The following ZNF717 variants were observed in gnomAD, a reference collection of about 807,000 sequenced individuals.
ZNF717 encodes the protein zinc finger protein 717.
A neutral mutation model predicts 13.8 loss-of-function variants in ZNF717; 9 were observed. The ratio of observed to expected loss-of-function variants is 0.65; its 90% CI spans 0.39 to 1.14. The LOEUF (loss-of-function observed/expected upper bound fraction) is 1.14. Ranked by LOEUF, ZNF717 falls within the 50% of genes most tolerant of loss-of-function variation. ZNF717 has a pLI of 0.01. For missense variants in ZNF717, 1,040 were observed against 1,080.7 expected (o/e 0.96, Z 0.53); for synonymous variants, 327 against 364.1 (o/e 0.90, Z 1.16).
chr3:75,723,050 T>C (rs1180856417), intron 4 of ZNF717, among the ~76,000 whole-genome samples: 1 of 152,150 alleles, frequency 6.6e-6, no homozygotes, highest in Non-Finnish European at 1.5e-5. Context: ...ATAATGCAGA[T>C]GTTCCAAATA....
chr3:75,782,739 C>T (rs1357784376), intron 2 of ZNF717, among the ~76,000 whole-genome samples: 2 of 152,128 alleles, frequency 1.3e-5, no homozygotes, highest in Non-Finnish European at 2.9e-5. Context: ...TTCCACTGCA[C>T]AACATGCCGT....
downstream of ZNF717, among the ~76,000 whole-genome samples, chr3:75,735,627 T>G (rs1939079645): frequency 1.3e-5 from 1 of 74,412 alleles, no homozygotes; most frequent in Non-Finnish European, 2.5e-5. Flanking sequence ...CCTGGGTGAC[T>G]GTCTCAATAA....
At chr3:75,770,649 C>T (rs546378908) in intron 2 of ZNF717, among the ~76,000 whole-genome samples, 1 of 152,274 alleles carries the variant, frequency 6.6e-6, no homozygotes, top group South Asian at 2.1e-4. Flanking sequence ...GCAAGAAAAG[C>T]CCAGAAGAAA....
At position 75,703,809 on chromosome 3, in the gene ZNF717, A is replaced by G. The variant is rs80195257; in HGVS notation, n.1085+7378T>C. 3.3e-5 allele frequency among the ~76,000 whole-genome samples: 5 copies of G among 152,418 alleles called. No individual in the cohort carries two copies. In the East Asian group the frequency reaches 9.6e-4, roughly 29 times the overall value. On this transcript the variant is annotated intron_variant and non_coding_transcript_variant, in intron 6 of 6. Transcript: ENST00000648506. ...AGGGACTCATGGCTACCAACCTTCT[A>G]GTTTAACAAACATGACCAGAATACT...
Position 75,774,414 on chromosome 3 carries a change from T to C in ZNF717, c.57+8892A>G, listed in dbSNP as rs1004224276. On this transcript the variant is annotated intron_variant, in intron 2 of 4. Coordinates refer to ENST00000652011, the MANE Select transcript of ZNF717 (RefSeq NM_001290208.3). Reference sequence around the variant, plus strand: ...TCAAATTTCAACTTCAAAACTGTCTTCTCTGACCTCTAACTTTGGGATGCT... The same window carrying C: ...TCAAATTTCAACTTCAAAACTGTCTCCTCTGACCTCTAACTTTGGGATGCT... 1.6e-4 allele frequency among the ~76,000 whole-genome samples: 24 copies of C among 152,048 alleles called. 1 individual carries two copies. The highest frequency in any genetic ancestry group is 4.1e-4 in the South Asian group (2 of 4,828).
intron 2 of ZNF717, among the ~76,000 whole-genome samples, chr3:75,772,557 G>A (rs1163621076): frequency 6.6e-6 from 1 of 152,252 alleles, no homozygotes; most frequent in Non-Finnish European, 1.5e-5. Context: ...TCTGCAGTCA[G>A]CCTGGTCCAG....
At chr3:75,758,750 A>G (rs1350203126) in intron 2 of ZNF717, among the ~76,000 whole-genome samples, 1 of 151,926 alleles carries the variant, frequency 6.6e-6, no homozygotes, top group Non-Finnish European at 1.5e-5. Context: ...GCAGTGGTTC[A>G]CCCCTGTCAT....
In ZNF717 at chr3:75,715,248, T is replaced by C. The variant is rs77712353; in HGVS notation, n.667+1171A>G. 2.9e-3 allele frequency among the ~76,000 whole-genome samples: 442 copies of C among 152,314 alleles called. 15 individuals carry two copies. In the East Asian group the frequency reaches 0.072, roughly 25 times the overall value. ...ATTTAAGCTGGGACTCAATAAATTG[T>C]ATAAGAAAAATAAAATCTCCATGTA... On this transcript the variant is annotated intron_variant and non_coding_transcript_variant, in intron 5 of 5. Coordinates refer to the ZNF717 transcript ENST00000491507.
In ZNF717 at chr3:75,738,748, G is replaced by C. The variant is rs1361483502; in HGVS notation, c.875C>G (p.Ser292Cys). 3 of 1,552,332 alleles carry C rather than the reference G, an allele frequency of 1.9e-6. No individual in the cohort carries two copies. In the African/African-American group the frequency reaches 4.1e-5, roughly 21 times the overall value. ...PYECVECEKP[S>C]ISKSDLMLQC... Reference sequence around the variant, plus strand: ...TAGCATAAGGTCTGATTTGCTAATGGAGGGTTTCTCACATTCAACACATTC... The same window carrying C: ...TAGCATAAGGTCTGATTTGCTAATGCAGGGTTTCTCACATTCAACACATTC... Residue 292 changes from serine to cysteine, a missense_variant, in exon 5 of 5, where the codon TCC becomes TGC. Around this residue, in one of 3 missense-constraint regions of ZNF717, gnomAD observed 873 missense variants for 832.8 expected, o/e 1.05. Coordinates refer to ENST00000652011, the MANE Select transcript of ZNF717 (RefSeq NM_001290208.3).
intron 6 of ZNF717, among the ~76,000 whole-genome samples, chr3:75,701,812 A>G (rs1937703124): frequency 6.6e-6 from 1 of 152,304 alleles, no homozygotes; most frequent in African/African-American, 2.4e-5. Flanking sequence ...CTAATTAAAG[A>G]GTGGACAAAA....
intron 6 of ZNF717, among the ~76,000 whole-genome samples, chr3:75,697,885 C>A (rs1320286846): frequency 7.2e-5 from 11 of 152,298 alleles, no homozygotes; most frequent in African/African-American, 2.7e-4. Context: ...TGGCTGTGAC[C>A]AAAATGCTGA....
intron 2 of ZNF717, among the ~76,000 whole-genome samples, chr3:75,778,233 G>A (rs1292056805): frequency 6.6e-6 from 1 of 151,758 alleles, no homozygotes; most frequent in African/African-American, 2.4e-5. Flanking sequence ...CCAAAACAAT[G>A]GAGCTGACGT....
intron 4 of ZNF717, among the ~76,000 whole-genome samples, chr3:75,723,313 A>G (rs1295087256): frequency 1.2e-4 from 15 of 128,936 alleles, no homozygotes; most frequent in Non-Finnish European, 2.0e-4. Context: ...GCAGTGGTGC[A>G]ATCATAGCTC....
At chr3:75,770,206 G>A (rs976989221) in intron 2 of ZNF717, among the ~76,000 whole-genome samples, 1 of 152,206 alleles carries the variant, frequency 6.6e-6, no homozygotes, top group Non-Finnish European at 1.5e-5. Context: ...CAAAGCTTCT[G>A]TGCTTGTTAG....
intron 2 of ZNF717, among the ~76,000 whole-genome samples, chr3:75,742,988 C>T (rs1322801647): frequency 3.9e-5 from 6 of 152,174 alleles, no homozygotes; most frequent in East Asian, 1.9e-4. Context: ...GAAACATACA[C>T]AGAAACCTGA....
chr3:75,741,570 C>T (rs1446053655), intron 3 of ZNF717, 40 bp downstream of exon 3: 2 of 1,572,604 alleles, frequency 1.3e-6, no homozygotes, highest in Non-Finnish European at 1.7e-6. Flanking sequence ...TTACCAGCAA[C>T]AAAATACAAT....
downstream of ZNF717, among the ~76,000 whole-genome samples, chr3:75,728,764 T>C (rs1938356042): frequency 6.6e-6 from 1 of 152,256 alleles, no homozygotes; most frequent in South Asian, 2.1e-4. Context: ...ATTAAACCTC[T>C]TTCCTTTATA....
chr3:75,745,108 C>T (rs79581064), intron 2 of ZNF717, among the ~76,000 whole-genome samples: 8 of 150,688 alleles, frequency 5.3e-5, no homozygotes, highest in South Asian at 2.1e-4. Flanking sequence ...AACACTGCTA[C>T]GAGGGTCTGA....
intron 2 of ZNF717, among the ~76,000 whole-genome samples, chr3:75,767,029 C>T (rs1447183109): frequency 8.5e-5 from 13 of 152,378 alleles, no homozygotes; most frequent in Admixed American, 3.3e-4. Context: ...GAACCTTGCC[C>T]AGACTACTGA....
Sources: allele counts gnomAD v4.1 joint callset (sites outside exome capture counted in the v4.1 genomes callset), GRCh38; gene constraint gnomAD v4.1.1; regional missense constraint gnomAD v4.1.1; transcripts MANE v1.5; gene names NCBI Gene and HGNC (gene_info 2026-07-23, HGNC 2026-07-21).